The following WNK2 variants were observed in gnomAD, a reference collection of about 807,000 sequenced individuals.
WNK2 encodes WNK lysine deficient protein kinase 2, also known as serine/threonine-protein kinase WNK2.
WNK2 carries 67 observed loss-of-function variants against 192.1 expected under a neutral mutation model. That is an observed-to-expected ratio of 0.35 (90% CI 0.29 to 0.43). WNK2 has a LOEUF of 0.43. Ranked by LOEUF, WNK2 falls within the 20% of genes least tolerant of loss-of-function variation. The pLI, the probability that WNK2 is intolerant of heterozygous loss-of-function variation, is 1.00. For missense variants in WNK2, 2,698 were observed against 3,089.7 expected (o/e 0.87, Z 3.01); for synonymous variants, 1,439 against 1,393.9 (o/e 1.03, Z -0.72).
intron 2 of WNK2, among the ~76,000 whole-genome samples, chr9:93,189,993 G>A (rs930538785): frequency 6.6e-6 from 1 of 152,208 alleles, no homozygotes; most frequent in Non-Finnish European, 1.5e-5. Flanking sequence ...GGCTTGACCC[G>A]ATTTGGCTGG....
chr9:93,241,066 A>G (rs1248376419), intron 7 of WNK2, among the ~76,000 whole-genome samples: 1 of 152,204 alleles, frequency 6.6e-6, no homozygotes, highest in African/African-American at 2.4e-5. Flanking sequence ...TGGGCAGTGG[A>G]CGCCAGAGAG....
chr9:93,298,784 CTG>C (rs1302660064), intron 24 of WNK2, among the ~76,000 whole-genome samples: 1 of 152,240 alleles, frequency 6.6e-6, no homozygotes, highest in Non-Finnish European at 1.5e-5. Context: ...TAAGGGAAGA[CTG>C]AGATGAGAAG....
At chr9:93,203,334 C>T (rs960080426) in intron 2 of WNK2, among the ~76,000 whole-genome samples, 2 of 151,432 alleles carry the variant, frequency 1.3e-5, no homozygotes, top group Non-Finnish European at 1.5e-5. Flanking sequence ...GCATTGGTGG[C>T]GGGTGGTAGC....
Position 93,308,498 on chromosome 9 carries a change from C to A in WNK2, c.6430C>A (p.Pro2144Thr). 1 of 1,607,858 alleles carries A rather than the reference C, an allele frequency of 6.2e-7. No homozygotes were observed. The highest frequency in any genetic ancestry group is 1.1e-5 in the South Asian group (1 of 89,358). The change falls in exon 28 of 30, where the codon CCC (proline) becomes ACC (threonine). Residue 2144 changes from proline to threonine, a missense_variant. Physicochemically the swap from Pro to Thr is conservative, Grantham distance 38 (BLOSUM62 -1). Transcript: ENST00000427277. Reference protein sequence around the residue: ...SKTVGAAQLKPTLNQLKQTQK... With the variant: ...SKTVGAAQLKTTLNQLKQTQK... ...GACGGTGGGGGCCGCGCAGCTGAAG[C>A]CCACGCTCAACCAGCTGAAGCAGAC...
At chr9:93,255,385 T>C (rs1843132504) in intron 9 of WNK2, among the ~76,000 whole-genome samples, 1 of 152,306 alleles carries the variant, frequency 6.6e-6, no homozygotes, top group East Asian at 1.9e-4. Context: ...CTGTGTACAG[T>C]GCCCAGAGCT....
chr9:93,195,763 G>C (rs376547803), intron 2 of WNK2, among the ~76,000 whole-genome samples: 4 of 143,514 alleles, frequency 2.8e-5, no homozygotes, highest in East Asian at 2.1e-4. Context: ...AATCCAACCA[G>C]GTGAACACAA....
chr9:93,273,307 A>G (rs1055033282), intron 19 of WNK2, among the ~76,000 whole-genome samples: 9 of 152,204 alleles, frequency 5.9e-5, no homozygotes, highest in Admixed American at 4.6e-4. Flanking sequence ...GCAGGCACAC[A>G]CCACTGTGCC....
intron 18 of WNK2, 93 bp downstream of exon 18, chr9:93,268,158 G>A (rs2133205570): frequency 6.6e-7 from 1 of 1,508,960 alleles, no homozygotes; most frequent in African/African-American, 1.4e-5. Flanking sequence ...TTGCTTGGGG[G>A]GATTATGGAA....
chr9:93,298,626 C>A (rs1851035547), intron 24 of WNK2, among the ~76,000 whole-genome samples: 1 of 152,202 alleles, frequency 6.6e-6, no homozygotes, highest in Non-Finnish European at 1.5e-5. Context: ...TGGTGGAGAG[C>A]CCTGGCAGTC....
intron 2 of WNK2, among the ~76,000 whole-genome samples, chr9:93,204,869 T>C (rs553876814): frequency 6.6e-6 from 1 of 152,110 alleles, no homozygotes; most frequent in South Asian, 2.1e-4. Flanking sequence ...GTGTGTTTGG[T>C]GGCCTTGGAC....
At chr9:93,308,149 A>G in intron 27 of WNK2, 179 bp from the exon 28 acceptor site, 1 of 1,291,178 alleles carries the variant, frequency 7.7e-7, no homozygotes, top group Non-Finnish European at 1.0e-6. Context: ...GAAATGCCCC[A>G]CCATGTCTGA....
At chr9:93,268,516 G>T in intron 18 of WNK2, 111 bp from the exon 19 acceptor site, 1 of 1,491,920 alleles carries the variant, frequency 6.7e-7, no homozygotes, top group South Asian at 1.2e-5. Context: ...TCCCATAGGT[G>T]TAAAGGAGTT....
chr9:93,213,600 A>G (rs886829682), intron 2 of WNK2, among the ~76,000 whole-genome samples: 1 of 152,146 alleles, frequency 6.6e-6, no homozygotes, highest in Admixed American at 6.5e-5. Flanking sequence ...GACCAGCCCA[A>G]CCAACATGGA....
intron 19 of WNK2, among the ~76,000 whole-genome samples, chr9:93,275,365 C>G (rs1846674268): frequency 6.6e-6 from 1 of 151,930 alleles, no homozygotes; most frequent in South Asian, 2.1e-4. Context: ...TGCATTCCAG[C>G]CTGGGCAACA....
intron 28 of WNK2, among the ~76,000 whole-genome samples, chr9:93,312,867 C>T (rs1281914456): frequency 6.6e-6 from 1 of 152,168 alleles, no homozygotes. Context: ...TCATGGTGGA[C>T]CACCCTCTGG....
At chr9:93,207,236 T>G (rs1419236156) in intron 2 of WNK2, among the ~76,000 whole-genome samples, 1 of 152,182 alleles carries the variant, frequency 6.6e-6, no homozygotes, top group Non-Finnish European at 1.5e-5. Flanking sequence ...CCAACCCCAG[T>G]TAGTTATCAG....
intron 26 of WNK2, chr9:93,300,355 C>T (rs1432814079): frequency 1.3e-5 from 7 of 527,016 alleles, no homozygotes; most frequent in South Asian, 7.0e-5. Flanking sequence ...CCCCACACAG[C>T]GTGTGTGCAT....
At chr9:93,191,136 G>A (rs532728667) in intron 2 of WNK2, among the ~76,000 whole-genome samples, 1 of 152,218 alleles carries the variant, frequency 6.6e-6, no homozygotes, top group Non-Finnish European at 1.5e-5. Flanking sequence ...TCCAAGACAA[G>A]CTCCAGGTCA....
chr9:93,306,938 G>T (rs934574172), intron 27 of WNK2, 117 bp downstream of exon 27: 1 of 1,305,224 alleles, frequency 7.7e-7, no homozygotes, highest in East Asian at 2.3e-5. Flanking sequence ...TGCCTGCCCC[G>T]CGCCTGCTCC....
Sources: allele counts gnomAD v4.1 joint callset (sites outside exome capture counted in the v4.1 genomes callset), GRCh38; gene constraint gnomAD v4.1.1; transcripts MANE v1.5; gene names NCBI Gene and HGNC (gene_info 2026-07-23, HGNC 2026-07-21).